The following EPAS1 variants were observed in gnomAD, a reference collection of about 807,000 sequenced individuals.
EPAS1 encodes the protein endothelial PAS domain-containing protein 1.
Under a neutral mutation model 87.9 loss-of-function variants are expected in EPAS1, and 23 were observed. The ratio of observed to expected loss-of-function variants is 0.26; its 90% CI spans 0.19 to 0.37. EPAS1 has a LOEUF of 0.37. Ranked by LOEUF, EPAS1 falls within the 10% of genes least tolerant of loss-of-function variation. EPAS1 has a pLI of 1.00. For synonymous variants in EPAS1, 508 were observed against 444.3 expected (o/e 1.14, Z -1.80); for missense variants, 1,138 against 1,120.7 (o/e 1.02, Z -0.22).
intron 7 of EPAS1, among the ~76,000 whole-genome samples, chr2:46,370,660 G>A (rs971833215): frequency 6.6e-6 from 1 of 152,210 alleles, no homozygotes; most frequent in East Asian, 1.9e-4. Flanking sequence ...AATGTGGCTA[G>A]AGAAACCGAG....
intron 1 of EPAS1, among the ~76,000 whole-genome samples, chr2:46,331,201 G>A (rs993817719): frequency 2.6e-5 from 4 of 152,220 alleles, no homozygotes; most frequent in African/African-American, 9.6e-5. Context: ...TGCTGCATCT[G>A]CATGGCACAT....
rs1189765000 is a variant in EPAS1, at chr2:46,386,171, C to T, written c.*1511C>T. The T allele has an allele frequency of 6.6e-6, 1 of 152,666 alleles. No homozygotes were observed. Among genetic ancestry groups the T allele is most frequent in the Admixed American group, 6.5e-5 (1 of 15,288 alleles). 9.5% of individuals were successfully genotyped at this position (152,666 alleles called of 1,614,324 possible). ...ATAGTGTTCCCAGAGCACTTTGCAACTCCCTGGGTAAGAGGGACGACACCT... is the reference window on the plus strand; with the variant it reads ...ATAGTGTTCCCAGAGCACTTTGCAATTCCCTGGGTAAGAGGGACGACACCT... On this transcript the variant is annotated 3_prime_UTR_variant, in exon 16 of 16. Coordinates refer to ENST00000263734, the MANE Select transcript of EPAS1 (RefSeq NM_001430.5).
At chr2:46,350,812 T>G (rs1231149098) in intron 2 of EPAS1, among the ~76,000 whole-genome samples, 1 of 152,254 alleles carries the variant, frequency 6.6e-6, no homozygotes. Flanking sequence ...GAAGCAAGGT[T>G]TCTAAAGAGA....
In EPAS1 at chr2:46,375,705, A is replaced by G. The variant is rs2103662236; in HGVS notation, c.902A>G (p.Gln301Arg). Reference protein sequence around the residue: ...KSHQNLCTKGQVVSGQYRMLA... With the variant: ...KSHQNLCTKGRVVSGQYRMLA... Reference sequence around the variant, plus strand: ...CCTCCCCTAGTGTGCACCAAGGGTCAGGTAGTAAGTGGCCAGTACCGGATG... The same window carrying G: ...CCTCCCCTAGTGTGCACCAAGGGTCGGGTAGTAAGTGGCCAGTACCGGATG... Residue 301 changes from glutamine (Q) to arginine (R), a missense_variant, in exon 8 of 16, where the codon CAG becomes CGG. This residue lies in a region of EPAS1 where 351 missense variants were observed against 417.1 expected (regional missense o/e 0.84). Coordinates refer to ENST00000263734, the MANE Select transcript of EPAS1 (RefSeq NM_001430.5). The surrounding 1 kb of genome is among the most constrained non-coding windows in gnomAD (Gnocchi z 4.1). 6.2e-7 allele frequency: 1 copy of G among 1,614,112 alleles called. No homozygotes were observed. The highest frequency in any genetic ancestry group is 8.5e-7 in the Non-Finnish European group (1 of 1,180,006).
intron 1 of EPAS1, among the ~76,000 whole-genome samples, chr2:46,314,000 A>G (rs1278458625): frequency 2.6e-5 from 4 of 151,982 alleles, no homozygotes; most frequent in Non-Finnish European, 5.9e-5. Flanking sequence ...AAAGCTCTTG[A>G]TGTAGATTGA....
At chr2:46,377,300 G>T (rs78915164) in intron 9 of EPAS1, among the ~76,000 whole-genome samples, 1 of 152,194 alleles carries the variant, frequency 6.6e-6, no homozygotes, top group Admixed American at 6.5e-5. Context: ...TGGGGACCCC[G>T]GCAGGGTTTT....
chr2:46,353,055 T>A (rs1684203077), intron 2 of EPAS1, among the ~76,000 whole-genome samples: 1 of 152,088 alleles, frequency 6.6e-6, no homozygotes, highest in South Asian at 2.1e-4. Context: ...AAGTCAGCGT[T>A]ACCACTGAGA....
intron 1 of EPAS1, among the ~76,000 whole-genome samples, chr2:46,343,656 G>C (rs979834050): frequency 6.6e-6 from 1 of 152,216 alleles, no homozygotes; most frequent in Non-Finnish European, 1.5e-5. Context: ...TTTAGGTTCA[G>C]CTGAAATCCC....
rs756555872 is a variant in EPAS1, at chr2:46,356,236, G to A, written c.303G>A (p.Val101=). Residue 101 remains valine (V), a synonymous_variant, in exon 3 of 16, where the codon GTG becomes GTA. Transcript: ENST00000263734. The stretch of plus-strand genomic sequence containing the variant: ...AAGCCTTGGAGGGTTTCATTGCCGT[G>A]GTGACCCAAGATGGCGACATGATCT... ...YLKALEGFIA[V]VTQDGDMIFL... is the part of the protein sequence containing the mutation. 7.4e-6 allele frequency: 12 copies of A among 1,612,960 alleles called. No individual in the cohort carries two copies. Among genetic ancestry groups the A allele is most frequent in the Non-Finnish European group, 1.0e-5 (12 of 1,179,720 alleles).
At chr2:46,374,998 C>T (rs1684707533) in intron 7 of EPAS1, among the ~76,000 whole-genome samples, 1 of 152,016 alleles carries the variant, frequency 6.6e-6, no homozygotes, top group Admixed American at 6.6e-5. Flanking sequence ...TGCCAGGGTC[C>T]CAGCTCTTTC....
chr2:46,343,514 ATC>A (rs1479535865), intron 1 of EPAS1, among the ~76,000 whole-genome samples: 2 of 152,194 alleles, frequency 1.3e-5, no homozygotes, highest in Non-Finnish European at 1.5e-5. Context: ...AAATTATTTA[ATC>A]TCTCTAAATC....
At chr2:46,348,255 T>C (rs1009916777) in intron 2 of EPAS1, among the ~76,000 whole-genome samples, 2 of 152,124 alleles carry the variant, frequency 1.3e-5, no homozygotes, top group Non-Finnish European at 2.9e-5. Context: ...GGGGAAGATA[T>C]GCTCCATAAA....
chr2:46,374,546 C>G (rs1684696899), intron 7 of EPAS1, among the ~76,000 whole-genome samples: 1 of 152,096 alleles, frequency 6.6e-6, no homozygotes, highest in South Asian at 2.1e-4. Context: ...CTATTATTAT[C>G]AATATCCTGT....
intron 2 of EPAS1, among the ~76,000 whole-genome samples, chr2:46,354,442 A>C (rs1684228508): frequency 6.6e-6 from 1 of 151,964 alleles, no homozygotes; most frequent in Non-Finnish European, 1.5e-5. Flanking sequence ...CTAGGAGAAG[A>C]GGGCTGAAAT....
At chr2:46,331,837 G>A (rs757588803) in intron 1 of EPAS1, among the ~76,000 whole-genome samples, 3 of 152,112 alleles carry the variant, frequency 2.0e-5, no homozygotes, top group Non-Finnish European at 4.4e-5. Context: ...CTTCTAAATC[G>A]TTTAATCAGA....
intron 1 of EPAS1, among the ~76,000 whole-genome samples, chr2:46,302,165 G>GT (rs1558580070): frequency 7.0e-6 from 1 of 142,826 alleles, no homozygotes; most frequent in Admixed American, 7.2e-5. Flanking sequence ...TGCGTCGGGG[G>GT]GGGGGGCAGT....
Position 46,380,139 on chromosome 2 carries a change from T to A in EPAS1, c.1555-88T>A. The A allele has an allele frequency of 6.3e-7, 1 of 1,594,368 alleles. No homozygotes were observed. On this transcript the variant is annotated intron_variant, in intron 11 of 15. Transcript: ENST00000263734. The surrounding 1 kb of genome is among the most constrained non-coding windows in gnomAD (Gnocchi z 4.4). ...CAGCACTGTGAAACAGTGCTTGAGATGAATGGCTCTGCAGGAGCTGAGTTG... is the reference window on the plus strand; with the variant it reads ...CAGCACTGTGAAACAGTGCTTGAGAAGAATGGCTCTGCAGGAGCTGAGTTG...
Position 46,346,857 on chromosome 2 carries a change from C to G in EPAS1, c.27-16C>G, listed in dbSNP as rs752592020. ...ACAGTAACCTTTCCGGGACTAACCCCTTCTTCTCCACTTAGGAGTAGCTCG... is the reference window on the plus strand; with the variant it reads ...ACAGTAACCTTTCCGGGACTAACCCGTTCTTCTCCACTTAGGAGTAGCTCG... On this transcript the variant is annotated splice_polypyrimidine_tract_variant and intron_variant, in intron 1 of 15. Coordinates refer to ENST00000263734, the MANE Select transcript of EPAS1 (RefSeq NM_001430.5). This position sits in a 1 kb window ranked among gnomAD's most constrained non-coding sequence, Gnocchi z 4.0. 1 of 1,614,080 alleles carries G rather than the reference C, an allele frequency of 6.2e-7. No individual in the cohort carries two copies. Among genetic ancestry groups the G allele is most frequent in the Admixed American group, 1.7e-5 (1 of 60,028 alleles).
At chr2:46,361,178 C>G in intron 6 of EPAS1, 88 bp downstream of exon 6, 1 of 1,418,210 alleles carries the variant, frequency 7.1e-7, no homozygotes, top group Non-Finnish European at 9.8e-7. Flanking sequence ...AGGTGTGGAA[C>G]TGAACATAGA....
Sources: allele counts gnomAD v4.1 joint callset (sites outside exome capture counted in the v4.1 genomes callset), GRCh38; gene constraint gnomAD v4.1.1; regional missense constraint gnomAD v4.1.1; non-coding constraint Gnocchi (gnomAD v3.1); transcripts MANE v1.5; gene names NCBI Gene and HGNC (gene_info 2026-07-23, HGNC 2026-07-21).